The following PCDHGB1 variants were observed in gnomAD, a reference collection of about 807,000 sequenced individuals.
The protein encoded by PCDHGB1 is protocadherin gamma subfamily B, 1, also known as protocadherin gamma-B1.
In PCDHGB1, 34 loss-of-function variants were observed where a neutral mutation model predicts 56.6. The ratio of observed to expected loss-of-function variants is 0.60; its 90% CI spans 0.46 to 0.80. The LOEUF is 0.80. Among genes scored for constraint, PCDHGB1 ranks in the 30% least tolerant of loss-of-function variants. The probability of loss-of-function intolerance (pLI) is 0.00; values close to 1 mark genes in which losing one functional copy is unlikely to be tolerated. For missense variants in PCDHGB1, 1,278 were observed against 1,204.6 expected, an observed-to-expected ratio of 1.06 and a Z score of -0.90; for synonymous variants, 561 against 505.9, an observed-to-expected ratio of 1.11 and a Z score of -1.46.
chr5:141,383,360 T>A (rs1319923403), intron 1 of PCDHGB1: 1 of 1,613,888 alleles, frequency 6.2e-7, no homozygotes, highest in Non-Finnish European at 8.5e-7. Flanking sequence ...CGGTTTCCGT[T>A]AAGCGAGGCT....
chr5:141,362,241 C>T (rs557427510), intron 1 of PCDHGB1: 1 of 1,614,050 alleles, frequency 6.2e-7, no homozygotes, highest in African/African-American at 1.3e-5. Context: ...TCTCAGTGCT[C>T]TTCTTCCTCG....
chr5:141,418,236 T>C, intron 1 of PCDHGB1: 8 of 1,614,030 alleles, frequency 5.0e-6, no homozygotes, highest in Non-Finnish European at 6.8e-6. Flanking sequence ...ATTGAGGATG[T>C]TAATGACCAC....
Position 141,485,959 on chromosome 5 carries a change from C to A in PCDHGB1, c.2410-8848C>A, listed in dbSNP as rs758835557. The A allele has an allele frequency of 6.2e-7, 1 of 1,614,160 alleles. No homozygotes were observed. The highest frequency in any genetic ancestry group is 1.3e-5 in the African/African-American group (1 of 75,054). Reference sequence around the variant, plus strand: ...GCGCACCAGCGGGCATGGTGCTCATCCAGCTCAATGCCTCAGACCCGGACC... The same window carrying A: ...GCGCACCAGCGGGCATGGTGCTCATACAGCTCAATGCCTCAGACCCGGACC... On this transcript the variant is annotated intron_variant, in intron 1 of 3. Coordinates refer to ENST00000523390, the MANE Select transcript of PCDHGB1 (RefSeq NM_018922.3). The surrounding 1 kb of genome is among the most constrained non-coding windows in gnomAD (Gnocchi z 5.7).
At chr5:141,385,375 T>C (rs1781162127) in intron 1 of PCDHGB1, 2 of 1,523,626 alleles carry the variant, frequency 1.3e-6, no homozygotes, top group South Asian at 1.3e-5. Context: ...GCATGATATT[T>C]CTCTATTATT....
intron 1 of PCDHGB1, among the ~76,000 whole-genome samples, chr5:141,368,789 T>C (rs1765858310): frequency 6.6e-6 from 1 of 152,196 alleles, no homozygotes; most frequent in East Asian, 1.9e-4. Context: ...TGAAGAATAA[T>C]TTTTCATACT....
chr5:141,413,588 A>G, intron 1 of PCDHGB1: 1 of 1,613,922 alleles, frequency 6.2e-7, no homozygotes, highest in Non-Finnish European at 8.5e-7. Context: ...CCAAAATTCC[A>G]AGCAGAAAAT....
At chr5:141,494,724 T>C in intron 1 of PCDHGB1, 83 bp from the exon 2 acceptor site, 1 of 1,606,108 alleles carries the variant, frequency 6.2e-7, no homozygotes, top group South Asian at 1.1e-5. Flanking sequence ...CCCCTCCTTC[T>C]CTCCCGGCCC....
rs192227219 is a variant in PCDHGB1 at position 141,501,899 on chromosome 5, A to G, written c.2469-3494A>G. Among the ~76,000 whole-genome samples the G allele has an allele frequency of 1.0e-3, 159 of 152,024 alleles. 1 individual carries two copies. The highest frequency in any genetic ancestry group is 6.8e-3 in the Middle Eastern group (2 of 294). ...TACACTCCTGATCATCATGGTTCCA[A>G]CCCCACTGTTCCACTCAGCTTTGTT... is the stretch of plus-strand genomic sequence containing the variant. On this transcript the variant is annotated intron_variant, in intron 2 of 3. Transcript: ENST00000523390.
Position 141,431,711 on chromosome 5 carries a change from G to T in PCDHGB1, c.2410-63096G>T. On this transcript the variant is annotated intron_variant, in intron 1 of 3. Coordinates refer to ENST00000523390, the MANE Select transcript of PCDHGB1 (RefSeq NM_018922.3). This position sits in a 1 kb window ranked among gnomAD's most constrained non-coding sequence, Gnocchi z 4.8. ...CGAGGAGTCAGGATTCTACCAGATG[G>T]AAGTGCAAGCAATGGATAATGCAGG... 1 of 1,614,230 alleles carries T rather than the reference G, an allele frequency of 6.2e-7. No homozygotes were observed. The highest frequency in any genetic ancestry group is 1.1e-5 in the South Asian group (1 of 91,092).
At chr5:141,361,541 C>A in intron 1 of PCDHGB1, 1 of 1,614,074 alleles carries the variant, frequency 6.2e-7, no homozygotes, top group Non-Finnish European at 8.5e-7. Flanking sequence ...CCTCCTGGCG[C>A]CTCTATCGCT....
chr5:141,351,867 C>G lies in PCDHGB1; in HGVS notation c.1607C>G (p.Pro536Arg), dbSNP rs953262844. 43 of 1,613,138 alleles carry G rather than the reference C, an allele frequency of 2.7e-5. No homozygotes were observed. Among genetic ancestry groups the G allele is most frequent in the Non-Finnish European group, 3.6e-5 (43 of 1,179,738 alleles). The change falls in exon 1 of 4, where the codon CCC (proline) becomes CGC (arginine). Residue 536 changes from proline (P) to arginine (R), a missense_variant. By Grantham distance (103) the Pro-to-Arg change is moderately radical. Transcript: ENST00000523390. ...CTGCAGGCCAGGGACCAGGGCTCCCCCGCGCTCAGCGCCAACGTGAGCCTG... is the reference window on the plus strand; with the variant it reads ...CTGCAGGCCAGGGACCAGGGCTCCCGCGCGCTCAGCGCCAACGTGAGCCTG... Reference protein sequence around the residue: ...LTLQARDQGSPALSANVSLRV... With the variant: ...LTLQARDQGSRALSANVSLRV...
At chr5:141,445,895 A>C (rs930350527) in intron 1 of PCDHGB1, among the ~76,000 whole-genome samples, 1 of 152,212 alleles carries the variant, frequency 6.6e-6, no homozygotes, top group Admixed American at 6.5e-5. Context: ...GGAGCTATTA[A>C]AATATTTTAA....
Position 141,491,414 on chromosome 5 carries a change from G to A in PCDHGB1, c.2410-3393G>A. On this transcript the variant is annotated intron_variant, in intron 1 of 3. Coordinates refer to ENST00000523390, the MANE Select transcript of PCDHGB1 (RefSeq NM_018922.3). The surrounding 1 kb of genome is among the most constrained non-coding windows in gnomAD (Gnocchi z 6.9). ...CTTCAGGGAAACGCAGACGGGGACGGGGGTGGAGGGCAGTGCTGCAGGCGC... is the reference window on the plus strand; with the variant it reads ...CTTCAGGGAAACGCAGACGGGGACGAGGGTGGAGGGCAGTGCTGCAGGCGC... 2 of 1,614,126 alleles carry A rather than the reference G, an allele frequency of 1.2e-6. No individual in the cohort carries two copies. Among genetic ancestry groups the A allele is most frequent in the Non-Finnish European group, 1.7e-6 (2 of 1,180,022 alleles).
intron 1 of PCDHGB1, chr5:141,371,301 A>T (rs199851082): frequency 6.2e-7 from 1 of 1,613,990 alleles, no homozygotes. Flanking sequence ...GGAACTCACC[A>T]CTATTGGAGA....
chr5:141,408,298 G>T (rs778209794), intron 1 of PCDHGB1: 1 of 1,613,704 alleles, frequency 6.2e-7, no homozygotes, highest in South Asian at 1.1e-5. Context: ...TGAGTGAGCC[G>T]ATCCGCTACT....
chr5:141,357,979 C>T (rs554928624), intron 1 of PCDHGB1, among the ~76,000 whole-genome samples: 3 of 152,118 alleles, frequency 2.0e-5, no homozygotes, highest in Admixed American at 6.5e-5. Flanking sequence ...TGCCTGAGCT[C>T]AGGAGTTCGA....
intron 1 of PCDHGB1, chr5:141,364,702 C>G (rs1763490824): frequency 1.2e-6 from 2 of 1,613,922 alleles, no homozygotes; most frequent in East Asian, 2.2e-5. Flanking sequence ...TAGAAATAAT[C>G]GATATTAATG....
chr5:141,374,357 CGCGAGGAGCTCTGT>C (rs1770415063), intron 1 of PCDHGB1: 2 of 1,613,900 alleles, frequency 1.2e-6, no homozygotes, highest in Non-Finnish European at 1.7e-6. Context: ...TAGGATAGAC[CGCGAGGAGCTCTGT>C]GCTCAGAGCC....
chr5:141,400,459 G>T, intron 1 of PCDHGB1: 1 of 1,614,072 alleles, frequency 6.2e-7, no homozygotes, highest in African/African-American at 1.3e-5. Context: ...CATACTTTGT[G>T]GTGATTCATC....
Sources: allele counts gnomAD v4.1 joint callset (sites outside exome capture counted in the v4.1 genomes callset), GRCh38; gene constraint gnomAD v4.1.1; non-coding constraint Gnocchi (gnomAD v3.1); transcripts MANE v1.5; gene names NCBI Gene and HGNC (gene_info 2026-07-23, HGNC 2026-07-21).